Variants in PTPDC1 observed in about 807,000 individuals in gnomAD.
PTPDC1 encodes the protein protein tyrosine phosphatase domain containing 1.
Under a neutral mutation model 75.3 loss-of-function variants are expected in PTPDC1, and 53 were observed. That is an observed-to-expected ratio of 0.70 (90% CI 0.56 to 0.88). The LOEUF is 0.88. Ranked by LOEUF, PTPDC1 falls within the 40% of genes least tolerant of loss-of-function variation. The pLI is 0.00. For synonymous variants in PTPDC1, 349 were observed against 366.2 expected, an observed-to-expected ratio of 0.95 and a Z score of 0.54; for missense variants, 925 against 998.6, an observed-to-expected ratio of 0.93 and a Z score of 0.99.
At chr9:94,088,560 C>T (rs930264653) in intron 4 of PTPDC1, among the ~76,000 whole-genome samples, 2 of 152,074 alleles carry the variant, frequency 1.3e-5, no homozygotes, top group Non-Finnish European at 2.9e-5. Flanking sequence ...AGTTGTGTAA[C>T]AAAATTATTA....
chr9:94,056,068 C>T (rs1322861917), intron 1 of PTPDC1, among the ~76,000 whole-genome samples: 1 of 152,110 alleles, frequency 6.6e-6, no homozygotes, highest in Non-Finnish European at 1.5e-5. Context: ...TCTATACCTT[C>T]TGCTCAATTT....
rs187828976 is a variant in PTPDC1 at position 94,033,032 on chromosome 9, T to C, written c.-7+1905T>C. Among the ~76,000 whole-genome samples, 617 of 152,116 alleles carry C rather than the reference T, an allele frequency of 4.1e-3. 4 individuals carry two copies. Among genetic ancestry groups the C allele is most frequent in the African/African-American group, 0.014 (561 of 41,480 alleles). ...GTGTGCCACCACGCCCAGCTACTTT[T>C]TGTATTTTTTATGGAGATGGAGTTT... On this transcript the variant is annotated intron_variant, in intron 1 of 9. Coordinates refer to the PTPDC1 transcript ENST00000375360.
intron 7 of PTPDC1, among the ~76,000 whole-genome samples, chr9:94,102,311 A>T (rs1461053410): frequency 6.6e-6 from 1 of 151,688 alleles, no homozygotes; most frequent in Non-Finnish European, 1.5e-5. Flanking sequence ...TGTATATATA[A>T]TTTTTATTTG....
chr9:94,037,956 C>T, intron 1 of PTPDC1: 1 of 264,214 alleles, frequency 3.8e-6, no homozygotes. Context: ...TAAATTATCT[C>T]TGTTTTGAGA....
At chr9:94,039,667 T>C (rs1440205662) in intron 1 of PTPDC1, among the ~76,000 whole-genome samples, 2 of 151,956 alleles carry the variant, frequency 1.3e-5, no homozygotes, top group East Asian at 3.9e-4. Flanking sequence ...GCCTAGGAGG[T>C]TGAGGCTGCA....
chr9:94,053,408 G>C (rs1330745827), intron 1 of PTPDC1, among the ~76,000 whole-genome samples: 1 of 152,074 alleles, frequency 6.6e-6, no homozygotes, highest in Non-Finnish European at 1.5e-5. Context: ...TATAAATTCA[G>C]AGGTGAGGAC....
At chr9:94,058,786 C>A (rs762441859) in intron 1 of PTPDC1, among the ~76,000 whole-genome samples, 3 of 151,990 alleles carry the variant, frequency 2.0e-5, no homozygotes, top group African/African-American at 7.3e-5. Flanking sequence ...GTCAGGAGTT[C>A]GAGACCAGCC....
rs772287785 is a variant in PTPDC1, at chr9:94,097,294, A to G, written c.755-27A>G. 56 of 1,431,496 alleles carry G rather than the reference A, an allele frequency of 3.9e-5. No homozygotes were observed. The East Asian group carries it at 1.2e-3, about 32-fold the overall frequency. The allele number at this position is 1,431,496 out of a possible 1,614,324, so 88.7% of individuals were successfully genotyped here. On this transcript the variant is annotated intron_variant, in intron 5 of 8. Transcript: ENST00000620992. Reference sequence around the variant, plus strand: ...AAATAAAAATGTAAGCTTTTCTCATACCAGTCTTCTCTTCTTCACTGTTTA... The same window carrying G: ...AAATAAAAATGTAAGCTTTTCTCATGCCAGTCTTCTCTTCTTCACTGTTTA...
Position 94,101,585 on chromosome 9 carries a change from A to G in PTPDC1, c.2033A>G (p.Asp678Gly), listed in dbSNP as rs1240475457. 3.1e-6 allele frequency: 5 copies of G among 1,612,316 alleles called. No individual in the cohort carries two copies. The highest frequency in any genetic ancestry group is 4.2e-6 in the Non-Finnish European group (5 of 1,179,134). ...TTTTAGAAAGAGCTTAATTCCCGAGATGGAGCTTGGGAAAGAATATGTGGC... is the reference window on the plus strand; with the variant it reads ...TTTTAGAAAGAGCTTAATTCCCGAGGTGGAGCTTGGGAAAGAATATGTGGC... ...EMWQKELNSR[D>G]GAWERICGER... Residue 678 changes from aspartate (D) to glycine (G), a missense_variant, in exon 7 of 9, where the codon GAT (aspartate) becomes GGT (glycine). Coordinates refer to ENST00000620992, the MANE Select transcript of PTPDC1 (RefSeq NM_001253829.2).
intron 8 of PTPDC1, among the ~76,000 whole-genome samples, chr9:94,105,919 G>A (rs1441054423): frequency 4.0e-5 from 6 of 151,696 alleles, no homozygotes; most frequent in African/African-American, 1.5e-4. Flanking sequence ...CTTGCAGTGA[G>A]CCAAGATTGC....
intron 1 of PTPDC1, among the ~76,000 whole-genome samples, chr9:94,038,984 A>G (rs1457343526): frequency 6.6e-6 from 1 of 152,216 alleles, no homozygotes; most frequent in Non-Finnish European, 1.5e-5. Flanking sequence ...TGCTTTTAAA[A>G]TAGTAGCAAG....
intron 2 of PTPDC1, among the ~76,000 whole-genome samples, chr9:94,067,030 T>C (rs1017409425): frequency 6.6e-6 from 1 of 152,110 alleles, no homozygotes; most frequent in Non-Finnish European, 1.5e-5. Flanking sequence ...CTCACTTCTC[T>C]CACTCAGTTC....
rs1332245125 is a variant in PTPDC1 at position 94,097,993 on chromosome 9, A to G, written c.1427A>G (p.His476Arg). 6.2e-7 allele frequency: 1 copy of G among 1,614,202 alleles called. No individual in the cohort carries two copies. Residue 476 changes from histidine (H) to arginine (R), a missense_variant, in exon 6 of 9, where the codon CAC becomes CGC. Physicochemically the swap from His to Arg is conservative, Grantham distance 29 (BLOSUM62 0). Coordinates refer to ENST00000620992, the MANE Select transcript of PTPDC1 (RefSeq NM_001253829.2). ...QTVPAQILVGHKPRQQKLISH... is the reference protein window; with the variant it reads ...QTVPAQILVGRKPRQQKLISH... Reference sequence around the variant, plus strand: ...GTGCCTGCCCAGATCTTGGTTGGCCACAAGCCCAGGCAGCAGAAGCTCATA... The same window carrying G: ...GTGCCTGCCCAGATCTTGGTTGGCCGCAAGCCCAGGCAGCAGAAGCTCATA...
chr9:94,108,073 T>A lies in PTPDC1; in HGVS notation c.*129T>A. The A allele has an allele frequency of 2.2e-6, 1 of 451,954 alleles. No individual in the cohort carries two copies. The allele number at this position is 451,954 out of a possible 1,614,324, so 28.0% of individuals were successfully genotyped here. On this transcript the variant is annotated 3_prime_UTR_variant, in exon 9 of 9. Transcript: ENST00000620992. The stretch of plus-strand genomic sequence containing the variant: ...TATTTTGAATGTTGTTAGTTTGTGC[T>A]GAGAATGGTCGTCCGTATTTGAACC...
intron 1 of PTPDC1, among the ~76,000 whole-genome samples, chr9:94,058,109 A>G (rs1278972804): frequency 6.6e-6 from 1 of 152,130 alleles, no homozygotes; most frequent in Non-Finnish European, 1.5e-5. Context: ...GAGGGGGACT[A>G]AGACAGAGCT....
intron 1 of PTPDC1, among the ~76,000 whole-genome samples, chr9:94,057,323 A>G (rs1418482854): frequency 2.6e-5 from 4 of 152,044 alleles, no homozygotes; most frequent in African/African-American, 4.8e-5. Flanking sequence ...GGCTCAAACG[A>G]TCTGCCCACC....
chr9:94,107,851 A>G lies in PTPDC1; in HGVS notation c.2334A>G (p.Gly778=). Residue 778 remains glycine (G), a synonymous_variant, in exon 9 of 9, where the codon GGA becomes GGG. Coordinates refer to ENST00000620992, the MANE Select transcript of PTPDC1 (RefSeq NM_001253829.2). ...AGGTTAATTTTGATTCTGAAAATGG[A>G]CCAACAGTTTACAACACCCTGAAGA... is the stretch of plus-strand genomic sequence containing the variant. The part of the protein sequence containing the change: ...FTKVNFDSEN[G]PTVYNTLKKI... 1 of 1,603,414 alleles carries G rather than the reference A, an allele frequency of 6.2e-7. No individual in the cohort carries two copies.
At chr9:94,080,239 G>A (rs141033652), upstream of PTPDC1, among the ~76,000 whole-genome samples, 1,677 of 152,300 alleles carry the variant, frequency 0.011, 8 homozygotes, top group Middle Eastern at 0.034. Flanking sequence ...CTGGTTACAT[G>A]TAGGGGGCTT....
At chr9:94,053,057 C>A (rs1310427826) in intron 1 of PTPDC1, among the ~76,000 whole-genome samples, 1 of 152,126 alleles carries the variant, frequency 6.6e-6, no homozygotes, top group East Asian at 1.9e-4. Context: ...CTTAAGGATC[C>A]AAATCAAATA....
Sources: gnomAD v4.1 joint callset for allele counts (sites outside exome capture counted in the v4.1 genomes callset) on GRCh38, gnomAD v4.1.1 for gene constraint, MANE v1.5 for transcripts, NCBI Gene and HGNC (gene_info 2026-07-23, HGNC 2026-07-21) for gene names.